RNF38: variants seen among roughly 807,000 people sequenced by gnomAD.
RNF38 encodes E3 ubiquitin-protein ligase RNF38.
Under a neutral mutation model 67.2 loss-of-function variants are expected in RNF38, and 15 were observed. That is an observed-to-expected ratio of 0.22 (90% CI 0.15 to 0.34). The LOEUF (loss-of-function observed/expected upper bound fraction) is 0.34. Ranked by LOEUF, RNF38 falls within the 10% of genes least tolerant of loss-of-function variation. The pLI is 1.00. For synonymous variants in RNF38, 220 were observed against 218.8 expected (o/e 1.01, Z -0.05); for missense variants, 524 against 639.9 (o/e 0.82, Z 1.95).
At chr9:36,411,121 TA>T (rs755428585) in intron 2 of RNF38, among the ~76,000 whole-genome samples, 1 of 141,560 alleles carries the variant, frequency 7.1e-6, no homozygotes, top group Non-Finnish European at 1.5e-5. Context: ...AGTAAGGGGT[TA>T]ATATCCAGAA....
intron 8 of RNF38, among the ~76,000 whole-genome samples, chr9:36,352,309 T>TA (rs1251818967): frequency 3.3e-3 from 467 of 140,726 alleles, no homozygotes; most frequent in Middle Eastern, 7.1e-3. Flanking sequence ...CATCTCAAAT[T>TA]AAAAAAAAAA....
chr9:36,343,682 GAAAA>G (rs1223985681), intron 10 of RNF38, among the ~76,000 whole-genome samples: 3 of 149,512 alleles, frequency 2.0e-5, no homozygotes, highest in Non-Finnish European at 4.5e-5. Context: ...ATCCATCGAC[GAAAA>G]AAAAATATGA....
intron 2 of RNF38, among the ~76,000 whole-genome samples, chr9:36,379,534 ATATCAAGACC>A (rs1287896303): frequency 6.6e-6 from 1 of 152,244 alleles, no homozygotes; most frequent in Non-Finnish European, 1.5e-5. Context: ...TTTGTCAGAT[ATATCAAGACC>A]CAAAGGTGCT....
chr9:36,337,214 T>C lies in RNF38; in HGVS notation c.*2538A>G, dbSNP rs2133268952. 6.6e-6 allele frequency: 1 copy of C among 152,400 alleles called. No individual in the cohort carries two copies. The highest frequency in any genetic ancestry group is 2.1e-4 in the South Asian group (1 of 4,830). The allele number at this position is 152,400 out of a possible 1,614,324, so 9.4% of individuals were successfully genotyped here. ...ACAGAGTTGCTCACTGTGGCAAGCC[T>C]GAGCTGGTCAGAACACCTGTGTGTG... is the stretch of plus-strand genomic sequence containing the variant. On this transcript the variant is annotated 3_prime_UTR_variant, in exon 12 of 12. Coordinates refer to ENST00000259605, the MANE Select transcript of RNF38 (RefSeq NM_022781.5).
chr9:36,344,696 A>T, intron 10 of RNF38, 136 bp downstream of exon 10: 2 of 752,542 alleles, frequency 2.7e-6, no homozygotes, highest in Non-Finnish European at 2.1e-6. Flanking sequence ...TCTTTATCAA[A>T]GTTATCTCTG....
chr9:36,425,566 C>A (rs1195171551), intron 1 of RNF38, among the ~76,000 whole-genome samples: 1 of 151,938 alleles, frequency 6.6e-6, no homozygotes, highest in Non-Finnish European at 1.5e-5. Flanking sequence ...TGGTGGCGCA[C>A]CCCTGTAATC....
intron 1 of RNF38, among the ~76,000 whole-genome samples, chr9:36,441,224 T>C (rs1460442186): frequency 2.6e-5 from 4 of 152,190 alleles, no homozygotes; most frequent in African/African-American, 9.7e-5. Flanking sequence ...ACCTTAGCTA[T>C]TTATATGCAA....
At chr9:36,455,750 C>T (rs1240973883) in intron 1 of RNF38, among the ~76,000 whole-genome samples, 1 of 148,316 alleles carries the variant, frequency 6.7e-6, no homozygotes. Flanking sequence ...ATGGTGAAAC[C>T]CCGTCTCTAC....
At chr9:36,401,143 C>A, upstream of RNF38, 1 of 985,016 alleles carries the variant, frequency 1.0e-6, no homozygotes, top group South Asian at 4.7e-5. Flanking sequence ...CCTCCCTTTT[C>A]CCCCAGGCTC....
upstream of RNF38, chr9:36,400,372 C>T (rs1036009403): frequency 1.2e-5 from 14 of 1,186,402 alleles, no homozygotes; most frequent in African/African-American, 2.2e-4. Flanking sequence ...AGGCCATCTG[C>T]CGGGCAGCGG....
At chr9:36,448,196 T>C (rs1013925721) in intron 1 of RNF38, among the ~76,000 whole-genome samples, 7 of 152,216 alleles carry the variant, frequency 4.6e-5, no homozygotes, top group African/African-American at 1.7e-4. Context: ...AAACCAACCA[T>C]ATCCCTGCAG....
At chr9:36,349,542 T>C (rs1833540316) in intron 9 of RNF38, among the ~76,000 whole-genome samples, 1 of 152,214 alleles carries the variant, frequency 6.6e-6, no homozygotes, top group South Asian at 2.1e-4. Flanking sequence ...CCTTATCAGA[T>C]GTTTTTCATA....
At chr9:36,483,390 A>AAAAAGAAAAAG (rs1564080862) in intron 1 of RNF38, among the ~76,000 whole-genome samples, 12 of 150,092 alleles carry the variant, frequency 8.0e-5, no homozygotes, top group African/African-American at 3.0e-4. Context: ...CTGTCTCAAA[A>AAAAAGAAAAAG]AAAAAGAAAA....
chr9:36,430,765 C>T (rs1467438690), intron 1 of RNF38, among the ~76,000 whole-genome samples: 1 of 151,828 alleles, frequency 6.6e-6, no homozygotes, highest in Non-Finnish European at 1.5e-5. Flanking sequence ...ATTTCCAGAG[C>T]ATCTCCTTAT....
chr9:36,397,053 G>C (rs889523049), intron 1 of RNF38, among the ~76,000 whole-genome samples: 2 of 145,202 alleles, frequency 1.4e-5, no homozygotes, highest in African/African-American at 5.1e-5. Context: ...ATATACACAT[G>C]TATATATACG....
chr9:36,392,395 C>G (rs918453004), intron 1 of RNF38, among the ~76,000 whole-genome samples: 3 of 152,082 alleles, frequency 2.0e-5, no homozygotes, highest in African/African-American at 7.2e-5. Flanking sequence ...ATTGCTGAAT[C>G]AAGGCGTATT....
intron 2 of RNF38, among the ~76,000 whole-genome samples, chr9:36,377,564 A>G (rs955070243): frequency 6.6e-6 from 1 of 152,146 alleles, no homozygotes; most frequent in Non-Finnish European, 1.5e-5. Flanking sequence ...ACACAAAAGC[A>G]TTTTGTTCTA....
Position 36,475,269 on chromosome 9 carries a change from A to G in RNF38, n.241+12039T>C, listed in dbSNP as rs139935954. On this transcript the variant is annotated intron_variant and non_coding_transcript_variant, in intron 1 of 3. Transcript: ENST00000488058. ...CATTGAACTGATGCATATCTGAATTATCTCTGAAATCCTCACTGTGTCTAG... is the reference window on the plus strand; with the variant it reads ...CATTGAACTGATGCATATCTGAATTGTCTCTGAAATCCTCACTGTGTCTAG... Among the ~76,000 whole-genome samples, 19 of 152,242 alleles carry G rather than the reference A, an allele frequency of 1.2e-4. No individual in the cohort carries two copies. The East Asian group carries it at 3.3e-3, about 26-fold the overall frequency.
At chr9:36,350,619 T>C (rs1488479733) in intron 9 of RNF38, among the ~76,000 whole-genome samples, 1 of 152,254 alleles carries the variant, frequency 6.6e-6, no homozygotes, top group Non-Finnish European at 1.5e-5. Context: ...CCACAAAATC[T>C]TTTCAGCATG....
Sources: gnomAD v4.1 joint callset for allele counts (sites outside exome capture counted in the v4.1 genomes callset) on GRCh38, gnomAD v4.1.1 for gene constraint, MANE v1.5 for transcripts, NCBI Gene and HGNC (gene_info 2026-07-23, HGNC 2026-07-21) for gene names.